The following INTS10 variants were observed in gnomAD, a reference collection of about 807,000 sequenced individuals.
INTS10 encodes chromosome 8 open reading frame 35.
In INTS10, 44 loss-of-function variants were observed where a neutral mutation model predicts 94.4. The observed-to-expected ratio is 0.47, with a 90% CI of 0.37 to 0.60. The LOEUF is 0.60. Ranked by LOEUF, INTS10 falls within the 20% of genes least tolerant of loss-of-function variation. The probability of loss-of-function intolerance (pLI) is 0.00; values close to 1 mark genes in which losing one functional copy is unlikely to be tolerated. For synonymous variants in INTS10, 341 were observed against 320.7 expected, an observed-to-expected ratio of 1.06 and a Z score of -0.68; for missense variants, 797 against 868.7, an observed-to-expected ratio of 0.92 and a Z score of 1.04.
chr8:19,840,518 C>T (rs766670729), intron 13 of INTS10, among the ~76,000 whole-genome samples: 12 of 152,072 alleles, frequency 7.9e-5, no homozygotes, highest in African/African-American at 1.2e-4. Flanking sequence ...AATTAAGTGA[C>T]TTATACTACA....
At chr8:19,847,245 C>T (rs2068655168) in intron 16 of INTS10, among the ~76,000 whole-genome samples, 1 of 152,126 alleles carries the variant, frequency 6.6e-6, no homozygotes, top group South Asian at 2.1e-4. Context: ...GAACAGTGCT[C>T]TTTTTAAAAA....
intron 4 of INTS10, chr8:19,821,253 G>A (rs555423786): frequency 6.6e-6 from 1 of 152,302 alleles, no homozygotes; most frequent in African/African-American, 2.4e-5. Flanking sequence ...GAAGCTAGAA[G>A]TCTAAAAGTC....
chr8:19,822,364 AT>A (rs763898224), intron 4 of INTS10, 74 bp from the exon 5 acceptor site: 110 of 773,504 alleles, frequency 1.4e-4, no homozygotes, highest in Non-Finnish European at 2.3e-4. Flanking sequence ...AGTAAAAAAA[AT>A]ACCCCATTAC....
intron 2 of INTS10, 21 bp downstream of exon 2, chr8:19,818,363 C>T: frequency 6.2e-7 from 1 of 1,610,440 alleles, no homozygotes; most frequent in Middle Eastern, 1.7e-4. Flanking sequence ...CGCTTGACAT[C>T]ACTTTTACTG....
intron 11 of INTS10, 40 bp downstream of exon 11, chr8:19,832,150 AG>A: frequency 9.0e-7 from 1 of 1,111,274 alleles, no homozygotes; most frequent in Non-Finnish European, 1.4e-6. Flanking sequence ...GTGTCTGTAC[AG>A]CATGGCTATG....
intron 10 of INTS10, among the ~76,000 whole-genome samples, chr8:19,831,615 G>A (rs765294231): frequency 2.0e-5 from 3 of 152,144 alleles, no homozygotes; most frequent in Non-Finnish European, 4.4e-5. Context: ...GCTTGAGGCC[G>A]GAAGGTTGAG....
intron 10 of INTS10, among the ~76,000 whole-genome samples, chr8:19,830,833 C>T (rs544277406): frequency 2.4e-4 from 37 of 152,202 alleles, no homozygotes; most frequent in Non-Finnish European, 3.1e-4. Flanking sequence ...CGACCATGCC[C>T]GGCTAACTTT....
intron 8 of INTS10, 30 bp from the exon 9 acceptor site, chr8:19,826,396 G>A (rs746860212): frequency 6.3e-7 from 1 of 1,594,708 alleles, no homozygotes; most frequent in African/African-American, 1.4e-5. Flanking sequence ...TGCTGCACTG[G>A]TAAGTGTTGG....
intron 4 of INTS10, 41 bp from the exon 5 acceptor site, chr8:19,822,398 T>C (rs1295321796): frequency 3.3e-6 from 4 of 1,214,272 alleles, no homozygotes; most frequent in South Asian, 1.2e-5. Flanking sequence ...TGACAACTTA[T>C]GCTGTAACAC....
intron 11 of INTS10, 35 bp downstream of exon 11, chr8:19,832,145 T>A (rs746538854): frequency 8.8e-7 from 1 of 1,136,002 alleles, no homozygotes; most frequent in South Asian, 1.2e-5. Flanking sequence ...TACCTGTGTC[T>A]GTACAGCATG....
intron 13 of INTS10, chr8:19,842,104 C>A: frequency 4.2e-6 from 1 of 237,834 alleles, no homozygotes; most frequent in African/African-American, 2.3e-5. Context: ...AAAGTTATTT[C>A]CACAAATGTA....
intron 8 of INTS10, 66 bp downstream of exon 8, chr8:19,825,038 A>G: frequency 7.7e-7 from 1 of 1,295,154 alleles, no homozygotes; most frequent in Non-Finnish European, 1.1e-6. Flanking sequence ...AAGGAAAATG[A>G]AAGTGTTTAT....
chr8:19,824,081 T>C, intron 7 of INTS10, 37 bp downstream of exon 7: 2 of 1,495,808 alleles, frequency 1.3e-6, no homozygotes, highest in Non-Finnish European at 1.8e-6. Flanking sequence ...GCCTATTGAT[T>C]CTTTTGGATC....
intron 9 of INTS10, among the ~76,000 whole-genome samples, chr8:19,828,833 AG>A (rs1365499551): frequency 1.3e-5 from 2 of 151,882 alleles, no homozygotes; most frequent in East Asian, 3.9e-4. Context: ...CTGGGATTAC[AG>A]GGGTAAGCCA....
intron 7 of INTS10, 39 bp downstream of exon 7, chr8:19,824,083 T>G: frequency 6.7e-7 from 1 of 1,485,426 alleles, no homozygotes. Flanking sequence ...CTATTGATTC[T>G]TTTGGATCCT....
At chr8:19,826,308 C>T in intron 8 of INTS10, 118 bp from the exon 9 acceptor site, 1 of 1,036,228 alleles carries the variant, frequency 9.7e-7, no homozygotes, top group Non-Finnish European at 1.4e-6. Context: ...TTTTGAACTC[C>T]CGAGCTCAGG....
chr8:19,825,374 A>G (rs184094855), intron 8 of INTS10, among the ~76,000 whole-genome samples: 132 of 152,192 alleles, frequency 8.7e-4, no homozygotes, highest in African/African-American at 3.1e-3. Context: ...AAAAATACAA[A>G]TATTAGCTGG....
At chr8:19,826,700 G>A in intron 9 of INTS10, 141 bp downstream of exon 9, 5 of 797,862 alleles carry the variant, frequency 6.3e-6, no homozygotes, top group Non-Finnish European at 9.5e-6. Flanking sequence ...TACTAAGTCA[G>A]TGGTTCTCCA....
At chr8:19,838,722 T>G (rs1158432260) in intron 13 of INTS10, among the ~76,000 whole-genome samples, 1 of 152,150 alleles carries the variant, frequency 6.6e-6, no homozygotes, top group Non-Finnish European at 1.5e-5. Context: ...TACAGCAATA[T>G]AGAAGGACAA....
Sources: gnomAD v4.1 joint callset for allele counts (sites outside exome capture counted in the v4.1 genomes callset) on GRCh38, gnomAD v4.1.1 for gene constraint, MANE v1.5 for transcripts, NCBI Gene and HGNC (gene_info 2026-07-23, HGNC 2026-07-21) for gene names.